Variants in LIPI observed in about 807,000 individuals in gnomAD.
The protein encoded by LIPI is lipase member I.
In LIPI, 59 loss-of-function variants were observed where a neutral mutation model predicts 50.6. That is an observed-to-expected ratio of 1.16 (90% confidence interval 0.94 to 1.45). The LOEUF (loss-of-function observed/expected upper bound fraction) is 1.45. LIPI is among the 40% of genes most tolerant of loss of function. The probability of loss-of-function intolerance (pLI) is 0.00; values close to 1 mark genes in which losing one functional copy is unlikely to be tolerated. For synonymous variants in LIPI, 203 were observed against 178.2 expected (o/e 1.14, Z -1.11); for missense variants, 586 against 536.3 (o/e 1.09, Z -0.92).
chr21:14,192,009 C>G (rs961632598), intron 1 of LIPI, among the ~76,000 whole-genome samples: 1 of 152,218 alleles, frequency 6.6e-6, no homozygotes, highest in Non-Finnish European at 1.5e-5. Flanking sequence ...TAACCAACTC[C>G]CATATGACTC....
intron 8 of LIPI, among the ~76,000 whole-genome samples, chr21:14,149,349 C>T (rs555186591): frequency 3.9e-5 from 6 of 152,160 alleles, no homozygotes; most frequent in Non-Finnish European, 7.4e-5. Context: ...CAATTATCTC[C>T]ACCTGGTCCC....
chr21:14,114,177 C>CAAAA (rs78186842), intron 9 of LIPI, among the ~76,000 whole-genome samples: 1 of 127,850 alleles, frequency 7.8e-6, no homozygotes, highest in African/African-American at 3.0e-5. Context: ...GACTCTGTCT[C>CAAAA]AAAAAAAAAA....
intron 5 of LIPI, among the ~76,000 whole-genome samples, 197 bp from the exon 6 acceptor site, chr21:14,165,587 G>A (rs2018654031): frequency 1.3e-5 from 2 of 152,148 alleles, no homozygotes; most frequent in Non-Finnish European, 1.5e-5. Flanking sequence ...TCTTTTGCAT[G>A]AGATTTATAA....
chr21:14,134,135 G>C (rs2017402305), intron 9 of LIPI, among the ~76,000 whole-genome samples: 1 of 152,154 alleles, frequency 6.6e-6, no homozygotes, highest in African/African-American at 2.4e-5. Flanking sequence ...GGAGGCTGAG[G>C]TGGGAGGATC....
intron 1 of LIPI, among the ~76,000 whole-genome samples, chr21:14,192,880 G>A (rs1438341490): frequency 1.4e-5 from 2 of 147,178 alleles, no homozygotes; most frequent in Admixed American, 1.3e-4. Flanking sequence ...ACATTTAAAA[G>A]AAAGTACACT....
At chr21:14,111,212 C>G (rs1166086248) in intron 9 of LIPI, among the ~76,000 whole-genome samples, 1 of 151,774 alleles carries the variant, frequency 6.6e-6, no homozygotes, top group Non-Finnish European at 1.5e-5. Context: ...CAGTAGTTAT[C>G]AACCATTCCC....
Position 14,128,526 on chromosome 21 carries a change from C to T in LIPI, c.1295+16097G>A, listed in dbSNP as rs995765533. ...TTTGTTGCAAGGACTGAAAAAATAG[C>T]ATTTGTAATGTAGTAGACACCAATT... On this transcript the variant is annotated intron_variant, in intron 9 of 9. Transcript: ENST00000681601. Among the ~76,000 whole-genome samples the T allele has an allele frequency of 2.0e-5, 3 of 152,130 alleles. No homozygotes were observed. The Middle Eastern group carries it at 0.01, about 517-fold the overall frequency.
chr21:14,196,589 G>A (rs933796611), intron 1 of LIPI, among the ~76,000 whole-genome samples: 3 of 152,116 alleles, frequency 2.0e-5, no homozygotes, highest in Non-Finnish European at 4.4e-5. Context: ...AACTCTGGGA[G>A]GCCAAGGCAG....
intron 9 of LIPI, among the ~76,000 whole-genome samples, chr21:14,129,167 C>T (rs2017185754): frequency 6.6e-6 from 1 of 151,814 alleles, no homozygotes; most frequent in African/African-American, 2.4e-5. Flanking sequence ...TAAGAGAAGG[C>T]ATAATGAAAG....
chr21:14,180,885 T>A (rs2019247451), intron 4 of LIPI, among the ~76,000 whole-genome samples: 1 of 152,120 alleles, frequency 6.6e-6, no homozygotes, highest in South Asian at 2.1e-4. Context: ...AGAGGAGCAA[T>A]CTTAGTGTCA....
At chr21:14,192,454 ACT>A (rs2019708929) in intron 1 of LIPI, among the ~76,000 whole-genome samples, 1 of 152,152 alleles carries the variant, frequency 6.6e-6, no homozygotes, top group African/African-American at 2.4e-5. Context: ...ACAGAGCAAG[ACT>A]CTGTCTCAAA....
intron 4 of LIPI, among the ~76,000 whole-genome samples, chr21:14,177,023 C>T (rs2019121811): frequency 6.6e-6 from 1 of 151,948 alleles, no homozygotes; most frequent in Admixed American, 6.6e-5. Flanking sequence ...GTGTAATGTT[C>T]TATAAATGTC....
chr21:14,195,229 T>C lies in LIPI; in HGVS notation c.47-5810A>G, dbSNP rs555706713. 2.6e-5 allele frequency among the ~76,000 whole-genome samples: 4 copies of C among 152,252 alleles called. No homozygotes were observed. In the South Asian group the frequency reaches 8.3e-4, roughly 32 times the overall value. On this transcript the variant is annotated intron_variant, in intron 1 of 9. Transcript: ENST00000681601. ...CTGAAATCTGCATAGGGGTCTCTTA[T>C]ATCTGGATGTTGCTGGATCCATATG...
At position 14,124,862 on chromosome 21, in the gene LIPI, G is replaced by A. The variant is rs554125941; in HGVS notation, c.1296-15782C>T. Among the ~76,000 whole-genome samples the A allele has an allele frequency of 2.6e-5, 4 of 152,190 alleles. No homozygotes were observed. The South Asian group carries it at 6.2e-4, about 24-fold the overall frequency. On this transcript the variant is annotated intron_variant, in intron 9 of 9. Transcript: ENST00000681601. ...AAAAATTAGCCAGGCGTGGTGGCAC[G>A]CACATGCCTGTAATCCCAGCTACTC...
chr21:14,206,284 C>T (rs1336374551), intron 1 of LIPI, among the ~76,000 whole-genome samples: 1 of 150,028 alleles, frequency 6.7e-6, no homozygotes, highest in African/African-American at 2.4e-5. Context: ...TTTTACCTCT[C>T]ATCTCTGAGT....
At chr21:14,167,143 G>A (rs555304473) in intron 4 of LIPI, among the ~76,000 whole-genome samples, 193 of 152,292 alleles carry the variant, frequency 1.3e-3, no homozygotes, top group Admixed American at 2.6e-3. Flanking sequence ...ACTGCAAGGC[G>A]GCAGCAAGGC....
At chr21:14,134,192 G>T (rs917844030) in intron 9 of LIPI, among the ~76,000 whole-genome samples, 3 of 152,118 alleles carry the variant, frequency 2.0e-5, no homozygotes, top group Non-Finnish European at 4.4e-5. Context: ...GATCATGCCA[G>T]TATACTTCAG....
chr21:14,157,042 G>A (rs552330860), intron 7 of LIPI, among the ~76,000 whole-genome samples: 2 of 152,010 alleles, frequency 1.3e-5, no homozygotes, highest in Non-Finnish European at 2.9e-5. Context: ...TATGTGGAAA[G>A]CAGAAATTGT....
rs780552674 is a variant in LIPI at position 14,166,497 on chromosome 21, TG to T, written c.644-47del. On this transcript the variant is annotated intron_variant, in intron 4 of 9. Coordinates refer to ENST00000681601, the MANE Select transcript of LIPI (RefSeq NM_001302998.2). Reference sequence around the variant, plus strand: ...GAATCACAACATGTATATAATCAGGTGAGTATCTTGCATAAAACAAAATAGC... The same window carrying T: ...GAATCACAACATGTATATAATCAGGTAGTATCTTGCATAAAACAAAATAGC... The T allele has an allele frequency of 4.1e-6, 4 of 973,972 alleles. No individual in the cohort carries two copies. The Admixed American group carries it at 6.8e-5, about 16-fold the overall frequency. 60.3% of individuals were successfully genotyped at this position (973,972 alleles called of 1,614,324 possible). A position where few individuals can be genotyped will look rare whatever the true frequency, so the allele number is the denominator to read the frequency against.
Sources: allele counts gnomAD v4.1 joint callset (sites outside exome capture counted in the v4.1 genomes callset), GRCh38; gene constraint gnomAD v4.1.1; transcripts MANE v1.5; gene names NCBI Gene and HGNC (gene_info 2026-07-23, HGNC 2026-07-21).